MAPK4: variants seen among roughly 807,000 people sequenced by gnomAD.
MAPK4 encodes mitogen-activated protein kinase 4, also known as Erk3-related.
A neutral mutation model predicts 47.7 loss-of-function variants in MAPK4; 22 were observed. The observed-to-expected ratio is 0.46, with a 90% CI of 0.33 to 0.66. The LOEUF is 0.66. Among genes scored for constraint, MAPK4 ranks in the 30% least tolerant of loss-of-function variants. The pLI is 0.02. For missense variants in MAPK4, 736 were observed against 831.7 expected, an observed-to-expected ratio of 0.88 and a Z score of 1.42; for synonymous variants, 390 against 365.7, an observed-to-expected ratio of 1.07 and a Z score of -0.76.
intron 3 of MAPK4, among the ~76,000 whole-genome samples, chr18:50,716,208 G>A (rs190663237): frequency 6.6e-5 from 10 of 152,046 alleles, no homozygotes; most frequent in Admixed American, 6.5e-4. Context: ...CATGGTTCAC[G>A]CCCCCTCCAT....
At position 50,730,668 on chromosome 18, in the gene MAPK4, C is replaced by G. The variant is rs1464216401; in HGVS notation, c.*814C>G. On this transcript the variant is annotated 3_prime_UTR_variant, in exon 6 of 6. Transcript: ENST00000400384. ...TTCTCCCAGGCCTGTGCACACACCC[C>G]CTCAGCACTCCCTATGCACTTTCCT... 1 of 152,498 alleles carries G rather than the reference C, an allele frequency of 6.6e-6. No homozygotes were observed. The highest frequency in any genetic ancestry group is 6.5e-5 in the Admixed American group (1 of 15,270). 9.4% of individuals were successfully genotyped at this position (152,498 alleles called of 1,614,324 possible).
chr18:50,564,582 G>C (rs973096142), intron 1 of MAPK4, among the ~76,000 whole-genome samples: 24 of 152,154 alleles, frequency 1.6e-4, no homozygotes, highest in Non-Finnish European at 2.6e-4. Flanking sequence ...CAATAAAGAG[G>C]AACTATTACA....
At chr18:50,573,848 C>T (rs2149359563) in intron 1 of MAPK4, among the ~76,000 whole-genome samples, 1 of 152,264 alleles carries the variant, frequency 6.6e-6, no homozygotes, top group Non-Finnish European at 1.5e-5. Flanking sequence ...TTTTCAAGTC[C>T]TCTTATACCA....
chr18:50,715,053 G>T, intron 2 of MAPK4, 26 bp from the exon 3 acceptor site: 3 of 1,611,610 alleles, frequency 1.9e-6, no homozygotes, highest in Non-Finnish European at 2.5e-6. Flanking sequence ...TGACTGATCA[G>T]TGGAACCAGA....
chr18:50,586,271 C>T (rs1400926038), intron 1 of MAPK4, among the ~76,000 whole-genome samples: 3 of 152,118 alleles, frequency 2.0e-5, no homozygotes, highest in African/African-American at 7.2e-5. Flanking sequence ...GCTAGCTCAA[C>T]TTAGCTAAGA....
chr18:50,731,660 C>T lies in MAPK4; in HGVS notation c.*1806C>T, dbSNP rs1911571351. The T allele has an allele frequency of 2.0e-5, 3 of 152,126 alleles. 1 individual carries two copies. Among genetic ancestry groups the T allele is most frequent in the South Asian group, 2.1e-4 (1 of 4,820 alleles). 9.4% of individuals were successfully genotyped at this position (152,126 alleles called of 1,614,324 possible). On this transcript the variant is annotated 3_prime_UTR_variant, in exon 6 of 6. Transcript: ENST00000400384. ...CATGTGCCATTTTGTCCTCAGAGGG[C>T]GGCTTTACTTTTTTGGTAAAGGAAC...
chr18:50,576,296 A>C (rs924064648), intron 1 of MAPK4, among the ~76,000 whole-genome samples: 1 of 152,250 alleles, frequency 6.6e-6, no homozygotes, highest in Non-Finnish European at 1.5e-5. Flanking sequence ...ACCATGGAAC[A>C]CTATGCAGCC....
intron 1 of MAPK4, among the ~76,000 whole-genome samples, chr18:50,657,927 T>A (rs1012838841): frequency 2.0e-5 from 3 of 151,992 alleles, no homozygotes; most frequent in Non-Finnish European, 4.4e-5. Context: ...AGCAGGAACG[T>A]TTCCTGGGTA....
chr18:50,645,882 G>A (rs2042984488), intron 1 of MAPK4, among the ~76,000 whole-genome samples: 1 of 152,204 alleles, frequency 6.6e-6, no homozygotes, highest in Non-Finnish European at 1.5e-5. Flanking sequence ...CATGTGTAAG[G>A]TGGAGGTAAT....
At chr18:50,619,075 A>T (rs2042708707) in intron 1 of MAPK4, among the ~76,000 whole-genome samples, 1 of 152,252 alleles carries the variant, frequency 6.6e-6, no homozygotes. Context: ...CTCCTTGCAA[A>T]AAGAAAACTA....
At chr18:50,711,381 C>A (rs9962016) in intron 2 of MAPK4, among the ~76,000 whole-genome samples, 150,958 of 152,376 alleles carry the variant, frequency 0.99, 74,802 homozygotes, top group Middle Eastern at 1. Context: ...TCCCAGTGGG[C>A]ACAAGGTGGC....
rs62092162 is a variant in MAPK4 at position 50,626,509 on chromosome 18, G to A, written c.-870-36580G>A. ...AGGCGGGAAGGATTCTGGGATGGCC[G>A]AAGGGGTTGGTAACCTTTGGCCCAA... is the stretch of plus-strand genomic sequence containing the variant. On this transcript the variant is annotated intron_variant, in intron 1 of 5. Transcript: ENST00000400384. 3.7e-3 allele frequency among the ~76,000 whole-genome samples: 561 copies of A among 152,244 alleles called. 1 individual carries two copies. The highest frequency in any genetic ancestry group is 6.4e-3 in the Non-Finnish European group (432 of 68,010).
At chr18:50,615,141 T>C (rs1245478865) in intron 1 of MAPK4, among the ~76,000 whole-genome samples, 1 of 152,190 alleles carries the variant, frequency 6.6e-6, no homozygotes, top group East Asian at 1.9e-4. Context: ...TCGTGCTGTG[T>C]CGGTGCCCAG....
rs973215444 is a variant in MAPK4, at chr18:50,701,872, A to G, written c.547-13207A>G. 7.2e-5 allele frequency among the ~76,000 whole-genome samples: 11 copies of G among 152,274 alleles called. No individual in the cohort carries two copies. In the East Asian group the frequency reaches 2.1e-3, roughly 29 times the overall value. ...AAGAACTTATAAATATCAGCCATAC[A>G]AGGCTGGGCATGGTGGCTCATGCCT... On this transcript the variant is annotated intron_variant, in intron 2 of 5. Transcript: ENST00000400384.
chr18:50,644,423 T>C (rs755442710), intron 1 of MAPK4, among the ~76,000 whole-genome samples: 22 of 152,008 alleles, frequency 1.4e-4, no homozygotes, highest in Non-Finnish European at 2.9e-4. Flanking sequence ...GCCTATTCAG[T>C]CATGCAGCAA....
chr18:50,699,964 A>G (rs1397444263), intron 2 of MAPK4, among the ~76,000 whole-genome samples: 1 of 152,196 alleles, frequency 6.6e-6, no homozygotes, highest in Admixed American at 6.5e-5. Flanking sequence ...TGTATCATCA[A>G]CCAGGGAAGC....
chr18:50,573,698 G>A (rs1342896142), intron 1 of MAPK4, among the ~76,000 whole-genome samples: 1 of 152,168 alleles, frequency 6.6e-6, no homozygotes, highest in Non-Finnish European at 1.5e-5. Context: ...CAAAAGGGTT[G>A]GGGACCACTG....
chr18:50,654,826 G>A (rs747324333), intron 1 of MAPK4, among the ~76,000 whole-genome samples: 8 of 152,222 alleles, frequency 5.3e-5, no homozygotes, highest in African/African-American at 9.6e-5. Flanking sequence ...GAGTTCCGAC[G>A]AGGCAGCCGG....
chr18:50,693,451 G>A (rs1479458090), intron 2 of MAPK4, among the ~76,000 whole-genome samples: 1 of 152,134 alleles, frequency 6.6e-6, no homozygotes, highest in Non-Finnish European at 1.5e-5. Context: ...GTCTGACAAA[G>A]AGACAGAAAA....
Sources: gnomAD v4.1 joint callset for allele counts (sites outside exome capture counted in the v4.1 genomes callset) on GRCh38, gnomAD v4.1.1 for gene constraint, MANE v1.5 for transcripts, NCBI Gene and HGNC (gene_info 2026-07-23, HGNC 2026-07-21) for gene names.